ADRA1A: variants seen among roughly 807,000 people sequenced by gnomAD.
The protein encoded by ADRA1A is adrenoceptor alpha 1A.
In ADRA1A, 31 loss-of-function variants were observed where a neutral mutation model predicts 29.6. That is an observed-to-expected ratio of 1.05 (90% confidence interval 0.79 to 1.41). The LOEUF (loss-of-function observed/expected upper bound fraction) is 1.41, where lower values mean the gene tolerates loss of function less well. ADRA1A is among the 40% of genes most tolerant of loss of function. The pLI, the probability that ADRA1A is intolerant of heterozygous loss-of-function variation, is 0.00. For synonymous variants in ADRA1A, 311 were observed against 254.3 expected (o/e 1.22, Z -2.12); for missense variants, 619 against 601.1 (o/e 1.03, Z -0.31).
At position 26,769,689 on chromosome 8, in the gene ADRA1A, C is replaced by T. The variant is rs1304426165; in HGVS notation, c.*460G>A. ...CGGCCACCATCTTAATGCTCTTCCT[C>T]TCTAGGCCCTCTCCCCATAAATGTC... is the stretch of plus-strand genomic sequence containing the variant. On this transcript the variant is annotated 3_prime_UTR_variant, in exon 3 of 3. Transcript: ENST00000380573. 1 of 987,266 alleles carries T rather than the reference C, an allele frequency of 1.0e-6. No homozygotes were observed. The highest frequency in any genetic ancestry group is 1.2e-6 in the Non-Finnish European group (1 of 831,334). The allele number at this position is 987,266 out of a possible 1,614,324, so 61.2% of individuals were successfully genotyped here.
At chr8:26,812,553 C>A (rs1460417688) in intron 2 of ADRA1A, among the ~76,000 whole-genome samples, 1 of 151,886 alleles carries the variant, frequency 6.6e-6, no homozygotes, top group Non-Finnish European at 1.5e-5. Context: ...ATTTTCAGTA[C>A]CAGAAAATCA....
At chr8:26,784,984 A>G (rs1807269202) in intron 2 of ADRA1A, among the ~76,000 whole-genome samples, 1 of 152,216 alleles carries the variant, frequency 6.6e-6, no homozygotes, top group Non-Finnish European at 1.5e-5. Flanking sequence ...ACCACACAGC[A>G]TCCTATTAAA....
Position 26,825,462 on chromosome 8 carries a change from A to G in ADRA1A, c.883+38625T>C, listed in dbSNP as rs982695671. ...GCCCTACTTCGTTTCCTATAAGGGG[A>G]CCAGGAACACTTTTCACTGGTCATC... On this transcript the variant is annotated intron_variant, in intron 2 of 2. Transcript: ENST00000380573. The surrounding 1 kb of genome is among the most constrained non-coding windows in gnomAD (Gnocchi z 5.7). Among the ~76,000 whole-genome samples the G allele has an allele frequency of 6.6e-6, 1 of 152,066 alleles. No homozygotes were observed. The highest frequency in any genetic ancestry group is 1.5e-5 in the Non-Finnish European group (1 of 67,998).
At chr8:26,759,865 T>TTTG (rs1563230627) in intron 2 of ADRA1A, among the ~76,000 whole-genome samples, 2 of 152,354 alleles carry the variant, frequency 1.3e-5, no homozygotes, top group East Asian at 3.9e-4. Flanking sequence ...AAAGACAGAA[T>TTTG]ACTTTTGTAG....
chr8:26,852,206 A>G (rs1294099908), intron 2 of ADRA1A, among the ~76,000 whole-genome samples: 4 of 152,228 alleles, frequency 2.6e-5, no homozygotes, highest in Admixed American at 1.3e-4. Context: ...TGATTGGATG[A>G]CAGCACTGCC....
At chr8:26,803,511 A>G (rs1418347577) in intron 2 of ADRA1A, among the ~76,000 whole-genome samples, 3 of 152,204 alleles carry the variant, frequency 2.0e-5, no homozygotes, top group Non-Finnish European at 2.9e-5. Context: ...TACCTTTGTG[A>G]TCCTAGAGTA....
intron 2 of ADRA1A, among the ~76,000 whole-genome samples, chr8:26,797,193 A>T (rs916056763): frequency 4.3e-4 from 66 of 152,322 alleles, no homozygotes; most frequent in African/African-American, 1.6e-3. Context: ...AAAATGTAGA[A>T]CAATATTACC....
chr8:26,850,047 A>AAAAACAAAAAACAAAAAACAAG (rs1812511472), intron 2 of ADRA1A, among the ~76,000 whole-genome samples: 2 of 151,122 alleles, frequency 1.3e-5, no homozygotes, highest in African/African-American at 4.9e-5. Flanking sequence ...ACAAAAAACA[A>AAAAACAAAAAACAAAAAACAAG]AAAAAAAACA....
chr8:26,856,238 C>T (rs76338481), intron 2 of ADRA1A, among the ~76,000 whole-genome samples: 5 of 152,156 alleles, frequency 3.3e-5, no homozygotes, highest in African/African-American at 9.7e-5. Flanking sequence ...CATTCCAGAA[C>T]GATGTGGCAG....
chr8:26,797,468 T>G (rs1305992195), intron 2 of ADRA1A, among the ~76,000 whole-genome samples: 1 of 151,974 alleles, frequency 6.6e-6, no homozygotes, highest in Non-Finnish European at 1.5e-5. Flanking sequence ...GGCTAATTTT[T>G]TGATTTTTTT....
chr8:26,798,748 T>A (rs1031297008), intron 2 of ADRA1A, among the ~76,000 whole-genome samples: 1 of 152,152 alleles, frequency 6.6e-6, no homozygotes, highest in Non-Finnish European at 1.5e-5. Flanking sequence ...CATTATTAAA[T>A]ACCCAAATAA....
At chr8:26,759,791 A>T (rs530428818) in intron 2 of ADRA1A, among the ~76,000 whole-genome samples, 1 of 152,346 alleles carries the variant, frequency 6.6e-6, no homozygotes, top group South Asian at 2.1e-4. Flanking sequence ...CAATTTTTAA[A>T]GATAAATCAA....
intron 2 of ADRA1A, among the ~76,000 whole-genome samples, chr8:26,789,753 TA>T (rs1473242667): frequency 6.6e-6 from 1 of 152,098 alleles, no homozygotes; most frequent in African/African-American, 2.4e-5. Context: ...AAACGGAATT[TA>T]AACTATTAAA....
intron 2 of ADRA1A, among the ~76,000 whole-genome samples, chr8:26,836,899 C>A (rs979986263): frequency 6.6e-6 from 1 of 152,088 alleles, no homozygotes; most frequent in East Asian, 1.9e-4. Flanking sequence ...AGACTGTGTG[C>A]CAGTGAATGC....
At chr8:26,758,673 C>T (rs1312588505) in intron 2 of ADRA1A, among the ~76,000 whole-genome samples, 4 of 152,194 alleles carry the variant, frequency 2.6e-5, no homozygotes, top group African/African-American at 7.2e-5. Flanking sequence ...TCGGTCTTCT[C>T]TCAACACCAT....
Position 26,805,216 on chromosome 8 carries a change from G to C in ADRA1A, c.884-34550C>G, listed in dbSNP as rs1015003756. Among the ~76,000 whole-genome samples the C allele has an allele frequency of 6.6e-6, 1 of 152,206 alleles. No individual in the cohort carries two copies. The highest frequency in any genetic ancestry group is 2.1e-4 in the South Asian group (1 of 4,832). Reference sequence around the variant, plus strand: ...CACCTCTGCCTACCTGGCTCTTCACGTGAAGTCGCCTTCCTCATTTGTCCA... The same window carrying C: ...CACCTCTGCCTACCTGGCTCTTCACCTGAAGTCGCCTTCCTCATTTGTCCA... On this transcript the variant is annotated intron_variant, in intron 2 of 2. Transcript: ENST00000380573. The surrounding 1 kb of genome is among the most constrained non-coding windows in gnomAD (Gnocchi z 4.8).
chr8:26,760,849 A>C (rs4236678), intron 2 of ADRA1A, among the ~76,000 whole-genome samples: 83,914 of 152,122 alleles, frequency 0.55, 25,030 homozygotes, highest in East Asian at 0.89. Context: ...TGCTCTGCAC[A>C]CCTAACTGGG....
chr8:26,749,147 C>G (rs1297546813), intron 2 of ADRA1A, among the ~76,000 whole-genome samples: 3 of 152,184 alleles, frequency 2.0e-5, no homozygotes, highest in Non-Finnish European at 2.9e-5. Context: ...ACTAGAAGCT[C>G]TAAAATAAGC....
intron 2 of ADRA1A, chr8:26,756,872 T>C (rs1408639636): frequency 2.0e-6 from 3 of 1,536,020 alleles, no homozygotes; most frequent in African/African-American, 2.8e-5. Flanking sequence ...TTTATCCTTT[T>C]GTAGAGTAAG....
Sources: allele counts gnomAD v4.1 joint callset (sites outside exome capture counted in the v4.1 genomes callset), GRCh38; gene constraint gnomAD v4.1.1; non-coding constraint Gnocchi (gnomAD v3.1); transcripts MANE v1.5; gene names NCBI Gene and HGNC (gene_info 2026-07-23, HGNC 2026-07-21).